Variants in CABLES2 observed in about 807,000 individuals in gnomAD.
CABLES2 encodes Cdk5 and Abl enzyme substrate 2.
Under a neutral mutation model 44.8 loss-of-function variants are expected in CABLES2, and 35 were observed. The ratio of observed to expected loss-of-function variants is 0.78; its 90% CI spans 0.60 to 1.04. The LOEUF is 1.04. CABLES2 is among the 50% of genes least tolerant of loss of function. The pLI, the probability that CABLES2 is intolerant of heterozygous loss-of-function variation, is 0.00. For synonymous variants in CABLES2, 282 were observed against 281.1 expected, an observed-to-expected ratio of 1.00 and a Z score of -0.03; for missense variants, 566 against 615.7, an observed-to-expected ratio of 0.92 and a Z score of 0.85.
At chr20:62,398,017 T>TGGTGATGGC (rs1988071309) in intron 1 of CABLES2, among the ~76,000 whole-genome samples, 10 of 110,246 alleles carry the variant, frequency 9.1e-5, no homozygotes, top group Non-Finnish European at 1.6e-4. Flanking sequence ...GTTATGGCGG[T>TGGTGATGGC]GGTGGTGGTG....
intron 1 of CABLES2, chr20:62,405,414 A>C (rs6121573): frequency 0.21 from 31,647 of 152,232 alleles, 3,590 homozygotes; most frequent in Middle Eastern, 0.27. Flanking sequence ...CCTCTGCCCC[A>C]ATCATCCCTC....
rs775751121 is a variant in CABLES2 at position 62,396,607 on chromosome 20, T to C, written c.363-15A>G. On this transcript the variant is annotated splice_polypyrimidine_tract_variant and intron_variant, in intron 1 of 9. Transcript: ENST00000279101. The surrounding 1 kb of genome is among the most constrained non-coding windows in gnomAD (Gnocchi z 5.7). ...TGACTCGCTTCCTGCAAGATGACAA[T>C]GGAGCCTCAAAACAGGCCACCAGCC... is the stretch of plus-strand genomic sequence containing the variant. The C allele has an allele frequency of 1.2e-6, 2 of 1,605,844 alleles. No homozygotes were observed. The highest frequency in any genetic ancestry group is 1.1e-5 in the South Asian group (1 of 90,106).
intron 1 of CABLES2, among the ~76,000 whole-genome samples, chr20:62,398,082 G>GTGA (rs1569017537): frequency 2.4e-5 from 2 of 82,138 alleles, no homozygotes; most frequent in African/African-American, 5.8e-5. Flanking sequence ...GGTGGTGGTG[G>GTGA]TGGTGACGGT....
At chr20:62,398,056 CGAT>C (rs1569017433) in intron 1 of CABLES2, among the ~76,000 whole-genome samples, 32 of 51,170 alleles carry the variant, frequency 6.3e-4, no homozygotes, top group Admixed American at 2.7e-3. Context: ...GTGGTGATGG[CGAT>C]GGTGGTGGTG....
At chr20:62,404,392 C>T (rs1988241855) in intron 1 of CABLES2, 1 of 152,372 alleles carries the variant, frequency 6.6e-6, no homozygotes, top group South Asian at 2.1e-4. Context: ...CAAGCCAAGT[C>T]TGTTCCCAGA....
chr20:62,391,307 A>G lies in CABLES2; in HGVS notation c.1238T>C (p.Leu413Pro). 6.2e-7 allele frequency: 1 copy of G among 1,613,172 alleles called. No individual in the cohort carries two copies. Among genetic ancestry groups the G allele is most frequent in the Non-Finnish European group, 8.5e-7 (1 of 1,180,002 alleles). The change falls in exon 9 of 10, where the codon CTG becomes CCG. Residue 413 changes from leucine to proline, a missense_variant. By Grantham distance (98) the Leu-to-Pro change is moderately conservative (BLOSUM62 -3). Transcript: ENST00000279101. The surrounding 1 kb of genome is among the most constrained non-coding windows in gnomAD (Gnocchi z 5.7). ...GTCACTGCTGATCTTGGCAGCCAGC[A>G]GCACGCAGGCGCCAGCGCACAGCTT... ...NRKLCAGACV[L>P]LAAKISSDLR...
At chr20:62,406,665 C>CTGGCCTGATGAGG (rs1279942226) in intron 1 of CABLES2, among the ~76,000 whole-genome samples, 9 of 152,130 alleles carry the variant, frequency 5.9e-5, no homozygotes, top group Admixed American at 5.9e-4. Flanking sequence ...TGACCCTGAC[C>CTGGCCTGATGAGG]CCTGTGTCCT....
chr20:62,392,354 C>T, intron 8 of CABLES2, 35 bp downstream of exon 8: 1 of 1,504,790 alleles, frequency 6.6e-7, no homozygotes, highest in Non-Finnish European at 9.2e-7. Flanking sequence ...CAGGGCCTCC[C>T]AGGACGATGA....
chr20:62,397,891 TGGC>T (rs1335899431), intron 1 of CABLES2, among the ~76,000 whole-genome samples: 9 of 151,498 alleles, frequency 5.9e-5, no homozygotes, highest in Middle Eastern at 3.2e-3. Flanking sequence ...GTGGTGGTGA[TGGC>T]GGTGGTGGTG....
chr20:62,397,268 C>G lies in CABLES2; in HGVS notation c.363-676G>C, dbSNP rs193088160. Among the ~76,000 whole-genome samples the G allele has an allele frequency of 1.9e-3, 286 of 152,304 alleles. 1 individual carries two copies. Among genetic ancestry groups the G allele is most frequent in the African/African-American group, 6.3e-3 (262 of 41,566 alleles). ...CTGCTATTCTGTGACTTGCTCAAGG[C>G]ACTGGTCACTACAGGAAGGAGGCAT... On this transcript the variant is annotated intron_variant, in intron 1 of 9. Transcript: ENST00000279101.
intron 1 of CABLES2, among the ~76,000 whole-genome samples, chr20:62,399,351 A>T (rs149406809): frequency 0.014 from 2,076 of 151,824 alleles, 42 homozygotes; most frequent in African/African-American, 0.046. Context: ...GCTTCAAGTG[A>T]TTTTCCTGCC....
intron 1 of CABLES2, among the ~76,000 whole-genome samples, chr20:62,397,952 AGTGGTGG>A (rs1988058638): frequency 7.7e-5 from 1 of 12,936 alleles, no homozygotes; most frequent in Non-Finnish European, 1.5e-4. Flanking sequence ...TGGTGACGGT[AGTGGTGG>A]TGATGGTGGT....
rs1464428680 is a variant in CABLES2, at chr20:62,398,186, G to GGTGACGGTGATGGTGGTA, written c.363-1595_363-1594insTACCACCATCACCGTCAC. Among the ~76,000 whole-genome samples the GGTGACGGTGATGGTGGTA allele has an allele frequency of 3.2e-5, 3 of 94,644 alleles. No homozygotes were observed. In the East Asian group the frequency reaches 6.5e-4, roughly 20 times the overall value. The allele number at this position is 94,644 out of a possible 152,430, so 62.1% of individuals were successfully genotyped here. On this transcript the variant is annotated intron_variant, in intron 1 of 9. Coordinates refer to ENST00000279101, the MANE Select transcript of CABLES2 (RefSeq NM_031215.3). ...TGATGGTGGTAATGGTGGTGGTGGT[G>GGTGACGGTGATGGTGGTA]ATGGTGATGATGGTGGTGATGGTGA...
rs201728903 is a variant in CABLES2 at position 62,391,238 on chromosome 20, C to T, written c.1296+11G>A. ...ACCCTGCCTGCAGTGCCTGCCGAGC[C>T]GGGCACTCACATCGATGAGCTGCGT... On this transcript the variant is annotated intron_variant, in intron 9 of 9. Transcript: ENST00000279101. This position sits in a 1 kb window ranked among gnomAD's most constrained non-coding sequence, Gnocchi z 5.7. The T allele has an allele frequency of 3.4e-4, 547 of 1,604,462 alleles. 3 individuals carry two copies. The East Asian group carries it at 9.3e-3, about 27-fold the overall frequency.
In CABLES2 at chr20:62,391,399, C is replaced by T. The variant is rs536725954; in HGVS notation, c.1146G>A (p.Thr382=). Residue 382 remains threonine, a synonymous_variant, in exon 9 of 10, where the codon ACG becomes ACA. Coordinates refer to ENST00000279101, the MANE Select transcript of CABLES2 (RefSeq NM_031215.3). This position sits in a 1 kb window ranked among gnomAD's most constrained non-coding sequence, Gnocchi z 5.7. The part of the protein sequence containing the change: ...LSEECSLEPV[T]VAMAYVYFEK... ...CAAAGTACACGTAGGCCATGGCCAC[C>T]GTCACGGGCTCCAGGCTGCACTCCT... is the stretch of plus-strand genomic sequence containing the variant. 1.4e-5 allele frequency: 22 copies of T among 1,613,372 alleles called. No individual in the cohort carries two copies. Among genetic ancestry groups the T allele is most frequent in the African/African-American group, 6.7e-5 (5 of 75,072 alleles).
intron 1 of CABLES2, among the ~76,000 whole-genome samples, chr20:62,401,511 C>A (rs1988186808): frequency 6.6e-6 from 1 of 152,212 alleles, no homozygotes. Flanking sequence ...TGGACCCCTG[C>A]TCGCCCCGGG....
In CABLES2 at chr20:62,394,227, G is replaced by T; in HGVS notation, c.644C>A (p.Ser215Tyr). 6.2e-7 allele frequency: 1 copy of T among 1,613,570 alleles called. No homozygotes were observed. The highest frequency in any genetic ancestry group is 8.5e-7 in the Non-Finnish European group (1 of 1,180,004). The change falls in exon 5 of 10, where the codon TCC becomes TAC. Residue 215 changes from serine (S) to tyrosine (Y), a missense_variant. Around this residue, in one of 2 missense-constraint regions of CABLES2, gnomAD observed 436 missense variants for 536.3 expected, o/e 0.81. Transcript: ENST00000279101. Reference protein sequence around the residue: ...RVDSQKQRHPSGGVSVSSEMV... With the variant: ...RVDSQKQRHPYGGVSVSSEMV... ...CTCGGAAGACACAGAGACGCCGCCG[G>T]ACGGGTGCCTCTGCTTCTGGCTGTC... is the stretch of plus-strand genomic sequence containing the variant.
At chr20:62,398,071 C>CGGTGGTGGTGACGGTGGT (rs1555890761) in intron 1 of CABLES2, among the ~76,000 whole-genome samples, 1 of 68,234 alleles carries the variant, frequency 1.5e-5, no homozygotes, top group African/African-American at 6.7e-5. Flanking sequence ...GTGGTGGTGA[C>CGGTGGTGGTGACGGTGGT]GGTGGTGGTG....
intron 1 of CABLES2, among the ~76,000 whole-genome samples, chr20:62,398,828 G>A (rs777708381): frequency 6.6e-5 from 10 of 152,392 alleles, no homozygotes; most frequent in Admixed American, 4.6e-4. Context: ...ACGGCTCACA[G>A]TGACAACCAC....
Sources: gnomAD v4.1 joint callset for allele counts (sites outside exome capture counted in the v4.1 genomes callset) on GRCh38, gnomAD v4.1.1 for gene constraint, gnomAD v4.1.1 regional missense constraint, Gnocchi (gnomAD v3.1) non-coding constraint, MANE v1.5 for transcripts, NCBI Gene and HGNC (gene_info 2026-07-23, HGNC 2026-07-21) for gene names.